Variants in STARD13 observed in about 807,000 individuals in gnomAD.
STARD13 encodes the protein StAR related lipid transfer domain containing 13, also known as stAR-related lipid transfer protein 13.
In STARD13, 62 loss-of-function variants were observed where a neutral mutation model predicts 106.4. That is an observed-to-expected ratio of 0.58 (90% confidence interval 0.48 to 0.72). STARD13 has a LOEUF of 0.72. STARD13 is among the 30% of genes least tolerant of loss of function. The pLI, the probability that STARD13 is intolerant of heterozygous loss-of-function variation, is 0.00. For missense variants in STARD13, 1,387 were observed against 1,424.0 expected (o/e 0.97, Z 0.42); for synonymous variants, 565 against 553.0 (o/e 1.02, Z -0.31).
chr13:33,500,451 T>A, the STARD13 span, among the ~76,000 whole-genome samples: 1 of 152,226 alleles, frequency 6.6e-6, no homozygotes, highest in African/African-American at 2.4e-5. Context: ...ATTATACTTA[T>A]AAAAGTTTTC....
At chr13:33,191,826 G>T (rs551015259) in intron 1 of STARD13, among the ~76,000 whole-genome samples, 1 of 152,168 alleles carries the variant, frequency 6.6e-6, no homozygotes, top group South Asian at 2.1e-4. Context: ...TCCCTGTTTT[G>T]TAATCCAATT....
upstream of STARD13, among the ~76,000 whole-genome samples, chr13:33,289,587 C>A (rs918896035): frequency 2.0e-5 from 3 of 152,064 alleles, no homozygotes; most frequent in Non-Finnish European, 4.4e-5. Flanking sequence ...AGGAAAAACA[C>A]GGCACCGAAA....
chr13:33,631,946 C>T, the STARD13 span, among the ~76,000 whole-genome samples: 1 of 152,008 alleles, frequency 6.6e-6, no homozygotes, highest in African/African-American at 2.4e-5. Context: ...AGAAAATCAC[C>T]CATCATAAAA....
chr13:33,441,879 C>T, the STARD13 span, among the ~76,000 whole-genome samples: 2 of 152,306 alleles, frequency 1.3e-5, no homozygotes, highest in East Asian at 3.9e-4. Context: ...AGGATATTCA[C>T]ATATGAAAGG....
intron 1 of STARD13, among the ~76,000 whole-genome samples, chr13:33,248,807 A>G (rs1889956901): frequency 6.6e-6 from 1 of 152,172 alleles, no homozygotes; most frequent in Non-Finnish European, 1.5e-5. Context: ...TGAATTACAT[A>G]ATATTTTAAA....
chr13:33,317,511 C>T (rs1893385529), intron 1 of STARD13, among the ~76,000 whole-genome samples: 1 of 152,126 alleles, frequency 6.6e-6, no homozygotes, highest in African/African-American at 2.4e-5. Context: ...ACTGTCAATT[C>T]TCCACTTTCT....
chr13:33,555,068 C>T, the STARD13 span, among the ~76,000 whole-genome samples: 2,417 of 152,184 alleles, frequency 0.016, 58 homozygotes, highest in African/African-American at 0.054. Context: ...TCAGAAACTC[C>T]GCACTAGGTC....
intron 10 of STARD13, 85 bp from the exon 11 acceptor site, chr13:33,110,992 A>G (rs1874470021): frequency 7.9e-7 from 1 of 1,267,026 alleles, no homozygotes; most frequent in Non-Finnish European, 1.1e-6. Context: ...TTCACCCACA[A>G]CCCGGCTCTG....
At chr13:33,543,276 T>C in the STARD13 span, among the ~76,000 whole-genome samples, 1 of 152,138 alleles carries the variant, frequency 6.6e-6, no homozygotes, top group Non-Finnish European at 1.5e-5. Flanking sequence ...TAAAGCGCTG[T>C]TGTAAAAGCC....
chr13:33,234,403 C>T (rs908510864), intron 1 of STARD13, among the ~76,000 whole-genome samples: 4 of 152,204 alleles, frequency 2.6e-5, no homozygotes, highest in Admixed American at 6.5e-5. Context: ...TCTTCACACT[C>T]ATCATGCCAT....
rs1890002439 is a variant in STARD13 at position 33,249,752 on chromosome 13, T to C, written c.169+35718A>G. On this transcript the variant is annotated intron_variant, in intron 1 of 13. Transcript: ENST00000336934. ...AAACTGTCTCCCTTTCGTTTCTTCC[T>C]AATGCCATCATACACCAATTATCTG... Among the ~76,000 whole-genome samples, 6 of 152,324 alleles carry C rather than the reference T, an allele frequency of 3.9e-5. No individual in the cohort carries two copies. The South Asian group carries it at 1.2e-3, about 32-fold the overall frequency.
chr13:33,119,999 C>T (rs1161710839), intron 7 of STARD13, among the ~76,000 whole-genome samples: 1 of 152,196 alleles, frequency 6.6e-6, no homozygotes, highest in Non-Finnish European at 1.5e-5. Flanking sequence ...GATTTGTTTA[C>T]ATCTTCTGCT....
the STARD13 span, among the ~76,000 whole-genome samples, chr13:33,396,536 T>C: frequency 6.6e-6 from 1 of 152,094 alleles, no homozygotes; most frequent in Non-Finnish European, 1.5e-5. Context: ...GCACACATAG[T>C]AAAGGAAACA....
At chr13:33,486,944 G>C in the STARD13 span, among the ~76,000 whole-genome samples, 565 of 152,242 alleles carry the variant, frequency 3.7e-3, 5 homozygotes, top group African/African-American at 0.013. Context: ...TTTTCTATTG[G>C]AGAACAAGTT....
the STARD13 span, among the ~76,000 whole-genome samples, chr13:33,499,319 T>A: frequency 1.3e-5 from 2 of 152,162 alleles, no homozygotes; most frequent in Admixed American, 6.5e-5. Context: ...TACCAAAGAC[T>A]GGTTGGTTAA....
At position 33,105,421 on chromosome 13, in the gene STARD13, G is replaced by A. The variant is rs1334973345; in HGVS notation, c.*172C>T. ...AGCCATCTCCAGGAAGGCTAAGAAA[G>A]TTCTTGGAAATTCTTGCATCTCCAA... On this transcript the variant is annotated 3_prime_UTR_variant, in exon 14 of 14. Transcript: ENST00000336934. The A allele has an allele frequency of 3.5e-6, 2 of 572,666 alleles. No individual in the cohort carries two copies. The highest frequency in any genetic ancestry group is 3.7e-5 in the African/African-American group (2 of 53,788). The allele number at this position is 572,666 out of a possible 1,614,324, so 35.5% of individuals were successfully genotyped here. A position where few individuals can be genotyped will look rare whatever the true frequency, so the allele number is the denominator to read the frequency against.
intron 7 of STARD13, among the ~76,000 whole-genome samples, chr13:33,120,374 T>C (rs1876092617): frequency 6.6e-6 from 1 of 152,204 alleles, no homozygotes; most frequent in Admixed American, 6.5e-5. Context: ...TTCTTTCTCG[T>C]TTCAGCAAAT....
chr13:33,331,183 A>G (rs2077831670), intron 1 of STARD13, among the ~76,000 whole-genome samples: 1 of 152,116 alleles, frequency 6.6e-6, no homozygotes, highest in Non-Finnish European at 1.5e-5. Flanking sequence ...GGTCCCAGCA[A>G]CATCAAATAA....
At chr13:33,607,098 GTT>G in the STARD13 span, among the ~76,000 whole-genome samples, 7 of 130,876 alleles carry the variant, frequency 5.3e-5, no homozygotes, top group Admixed American at 1.5e-4. Context: ...GGACAGTTTT[GTT>G]TTTTTTTTTT....
Sources: allele counts gnomAD v4.1 joint callset (sites outside exome capture counted in the v4.1 genomes callset), GRCh38; gene constraint gnomAD v4.1.1; transcripts MANE v1.5; gene names NCBI Gene and HGNC (gene_info 2026-07-23, HGNC 2026-07-21).